MSRA: variants seen among roughly 807,000 people sequenced by gnomAD.
The protein encoded by MSRA is methionine sulfoxide reductase A, also known as mitochondrial peptide methionine sulfoxide reductase.
Under a neutral mutation model 31.3 loss-of-function variants are expected in MSRA, and 54 were observed. The ratio of observed to expected loss-of-function variants is 1.73; its 90% confidence interval spans 1.39 to 2.17. MSRA has a LOEUF of 2.17. Among genes scored for constraint, MSRA ranks in the 30% most tolerant of loss-of-function variants. The pLI, the probability that MSRA is intolerant of heterozygous loss-of-function variation, is 0.00. For missense variants in MSRA, 507 were observed against 300.9 expected (o/e 1.69, Z -5.07); for synonymous variants, 169 against 116.5 (o/e 1.45, Z -2.90).
intron 2 of MSRA, among the ~76,000 whole-genome samples, chr8:10,236,404 C>G (rs1253689544): frequency 6.6e-6 from 1 of 152,186 alleles, no homozygotes; most frequent in African/African-American, 2.4e-5. Flanking sequence ...TCTACTCTTT[C>G]TGGCTGTATG....
chr8:10,069,647 G>A (rs773557769), intron 1 of MSRA, among the ~76,000 whole-genome samples: 1 of 152,176 alleles, frequency 6.6e-6, no homozygotes, highest in Non-Finnish European at 1.5e-5. Flanking sequence ...TGAATGCTCT[G>A]TGAAGCCTCC....
chr8:10,214,413 T>C (rs1252511351), intron 2 of MSRA, among the ~76,000 whole-genome samples: 1 of 152,154 alleles, frequency 6.6e-6, no homozygotes. Flanking sequence ...CCCCGGTTAT[T>C]TGTCTGCCAG....
chr8:10,356,707 A>G (rs1478997660), intron 5 of MSRA, among the ~76,000 whole-genome samples: 1 of 152,116 alleles, frequency 6.6e-6, no homozygotes, highest in Non-Finnish European at 1.5e-5. Flanking sequence ...ACTGTAAGAA[A>G]GGAGGCAGTC....
chr8:10,214,735 A>G (rs923047), intron 2 of MSRA, among the ~76,000 whole-genome samples: 128,388 of 152,224 alleles, frequency 0.84, 55,672 homozygotes, highest in Non-Finnish European at 0.94. Flanking sequence ...AAATGGTAGA[A>G]CACTTGGAGA....
At chr8:10,208,667 C>A (rs115473800) in intron 2 of MSRA, among the ~76,000 whole-genome samples, 269 of 152,200 alleles carry the variant, frequency 1.8e-3, no homozygotes, top group African/African-American at 6.2e-3. Context: ...CCCTGTGTTA[C>A]CCACTGAAAA....
chr8:10,387,593 G>A lies in MSRA; in HGVS notation c.544-40555G>A, dbSNP rs138160028. 2.7e-3 allele frequency among the ~76,000 whole-genome samples: 417 copies of A among 152,274 alleles called. 5 individuals are homozygous for A. The highest frequency in any genetic ancestry group is 8.9e-3 in the African/African-American group (369 of 41,556). ...GGCCTGAGTCAGAGTTCTTCTTAGC[G>A]CTGGTGGATTGTGGGAAGGTGAGGG... On this transcript the variant is annotated intron_variant, in intron 5 of 5. Transcript: ENST00000317173.
chr8:10,293,677 TC>T (rs750231669), intron 3 of MSRA, among the ~76,000 whole-genome samples: 2 of 152,144 alleles, frequency 1.3e-5, no homozygotes, highest in Non-Finnish European at 2.9e-5. Flanking sequence ...GTACTGCAGG[TC>T]TCCGTAAAGG....
At chr8:10,148,227 A>T (rs1240032111) in intron 1 of MSRA, among the ~76,000 whole-genome samples, 1 of 152,176 alleles carries the variant, frequency 6.6e-6, no homozygotes, top group African/African-American at 2.4e-5. Flanking sequence ...AATGTGATCC[A>T]TTCAGAAGTA....
intron 3 of MSRA, among the ~76,000 whole-genome samples, chr8:10,249,395 C>G (rs1027881785): frequency 3.9e-5 from 6 of 152,138 alleles, no homozygotes; most frequent in Non-Finnish European, 7.4e-5. Flanking sequence ...GGTCGGACCT[C>G]CATGATCTTC....
chr8:10,184,836 C>A (rs1806879434), intron 1 of MSRA, among the ~76,000 whole-genome samples: 1 of 152,160 alleles, frequency 6.6e-6, no homozygotes, highest in Admixed American at 6.5e-5. Context: ...CCTAGGTCTT[C>A]CCACTCCAAA....
chr8:10,168,401 G>T (rs1002875086), intron 1 of MSRA, among the ~76,000 whole-genome samples: 1 of 152,124 alleles, frequency 6.6e-6, no homozygotes, highest in Non-Finnish European at 1.5e-5. Flanking sequence ...ATGTCACTGG[G>T]CATCTCCAGC....
intron 3 of MSRA, among the ~76,000 whole-genome samples, chr8:10,274,110 T>C (rs1799192488): frequency 6.6e-6 from 1 of 152,172 alleles, no homozygotes; most frequent in Admixed American, 6.5e-5. Context: ...GGACGCAATT[T>C]ACAAGGCCCA....
intron 3 of MSRA, among the ~76,000 whole-genome samples, chr8:10,258,329 T>C (rs1171739817): frequency 5.3e-5 from 8 of 151,638 alleles, no homozygotes; most frequent in Admixed American, 5.3e-4. Flanking sequence ...TACAACACCC[T>C]TCCAAAGTGA....
intron 1 of MSRA, among the ~76,000 whole-genome samples, chr8:10,155,551 C>T (rs959354085): frequency 1.3e-5 from 2 of 152,130 alleles, no homozygotes; most frequent in Non-Finnish European, 2.9e-5. Flanking sequence ...CCCAGATCTT[C>T]GTTTCTGAAT....
At chr8:10,213,518 C>T (rs1288324936) in intron 2 of MSRA, among the ~76,000 whole-genome samples, 3 of 143,922 alleles carry the variant, frequency 2.1e-5, no homozygotes, top group Non-Finnish European at 4.5e-5. Flanking sequence ...CTCACTGCAA[C>T]CTCCGCCTCC....
At chr8:10,095,732 T>C (rs555277236) in intron 1 of MSRA, 1 of 1,098,000 alleles carries the variant, frequency 9.1e-7, no homozygotes, top group Admixed American at 5.1e-5. Context: ...TTTTCAAACT[T>C]AGAAGGCTTT....
At chr8:10,410,983 T>A (rs1218661972) in intron 5 of MSRA, 1 of 151,892 alleles carries the variant, frequency 6.6e-6, no homozygotes, top group Non-Finnish European at 1.5e-5. Flanking sequence ...ATTTTTCCTT[T>A]CTCCCTCCCT....
intron 1 of MSRA, among the ~76,000 whole-genome samples, chr8:10,067,826 C>T (rs1360421594): frequency 2.2e-5 from 3 of 137,012 alleles, no homozygotes; most frequent in African/African-American, 8.0e-5. Context: ...GGTGATGTGT[C>T]TGTTCAAATC....
chr8:10,307,931 G>A (rs1801228399), intron 4 of MSRA, among the ~76,000 whole-genome samples: 1 of 152,190 alleles, frequency 6.6e-6, no homozygotes, highest in Non-Finnish European at 1.5e-5. Flanking sequence ...TTCTGACTAT[G>A]GGGGCCTTAG....
Sources: gnomAD v4.1 joint callset for allele counts (sites outside exome capture counted in the v4.1 genomes callset) on GRCh38, gnomAD v4.1.1 for gene constraint, MANE v1.5 for transcripts, NCBI Gene and HGNC (gene_info 2026-07-23, HGNC 2026-07-21) for gene names.